The following IL18 variants were observed in gnomAD, a reference collection of about 807,000 sequenced individuals.
IL18 encodes interleukin 18, also known as interleukin-18.
In IL18, 8 loss-of-function variants were observed where a neutral mutation model predicts 14.2. That is an observed-to-expected ratio of 0.56 (90% CI 0.33 to 1.01). The LOEUF is 1.01. IL18 is among the 50% of genes least tolerant of loss of function. The pLI is 0.03. For missense variants in IL18, 166 were observed against 231.1 expected (o/e 0.72, Z 1.83); for synonymous variants, 67 against 71.0 (o/e 0.94, Z 0.28).
At chr11:112,148,506 A>T in intron 5 of IL18, 97 bp downstream of exon 5, 1 of 619,836 alleles carries the variant, frequency 1.6e-6, no homozygotes, top group Non-Finnish European at 2.4e-6. Flanking sequence ...TGAGTTTTCT[A>T]ATTACATTAC....
intron 3 of IL18, chr11:112,151,198 C>A (rs562402193): frequency 3.3e-5 from 5 of 152,178 alleles, no homozygotes; most frequent in African/African-American, 9.6e-5. Flanking sequence ...ATAAAAAGGG[C>A]AAAGATATGC....
intron 5 of IL18, among the ~76,000 whole-genome samples, chr11:112,147,222 G>A (rs374119997): frequency 2.0e-5 from 3 of 152,076 alleles, no homozygotes; most frequent in African/African-American, 4.8e-5. Flanking sequence ...GAGCCACCAC[G>A]CCCAGCCACA....
chr11:112,157,470 A>G (rs1435866041), intron 1 of IL18, among the ~76,000 whole-genome samples: 1 of 152,216 alleles, frequency 6.6e-6, no homozygotes, highest in Non-Finnish European at 1.5e-5. Flanking sequence ...TGACCAAACC[A>G]CACATGAATG....
At chr11:112,153,434 C>A in intron 3 of IL18, 158 bp downstream of exon 3, 1 of 453,498 alleles carries the variant, frequency 2.2e-6, no homozygotes, top group Non-Finnish European at 4.0e-6. Flanking sequence ...TTATGATCAT[C>A]TTCATTCCAA....
rs547545392 is a variant in IL18 at position 112,157,183 on chromosome 11, C to T, written c.-8-2122G>A. On this transcript the variant is annotated intron_variant, in intron 1 of 5. Coordinates refer to ENST00000280357, the MANE Select transcript of IL18 (RefSeq NM_001562.4). Reference sequence around the variant, plus strand: ...GGCAGACATTTGTTAACCTGAGAGGCACTCTATGTTTTGATTAGTTATCAG... The same window carrying T: ...GGCAGACATTTGTTAACCTGAGAGGTACTCTATGTTTTGATTAGTTATCAG... 2.0e-5 allele frequency among the ~76,000 whole-genome samples: 3 copies of T among 152,266 alleles called. No homozygotes were observed. The South Asian group carries it at 6.2e-4, about 32-fold the overall frequency.
chr11:112,157,268 CAT>C (rs1390381781), intron 1 of IL18, among the ~76,000 whole-genome samples: 1 of 152,128 alleles, frequency 6.6e-6, no homozygotes, highest in African/African-American at 2.4e-5. Flanking sequence ...GTAATACACA[CAT>C]ATTTATCAAA....
intron 4 of IL18, 27 bp from the exon 5 acceptor site, chr11:112,148,763 T>C: frequency 7.5e-7 from 1 of 1,331,802 alleles, no homozygotes; most frequent in South Asian, 1.8e-5. Flanking sequence ...AAATGAGAAC[T>C]CTAGTTAGAA....
chr11:112,149,147 C>T (rs879649429), intron 4 of IL18, among the ~76,000 whole-genome samples: 2 of 152,008 alleles, frequency 1.3e-5, no homozygotes, highest in East Asian at 1.9e-4. Flanking sequence ...AAAAATTAGC[C>T]GGGTGTAAGT....
chr11:112,162,960 T>A (rs1343991490), intron 1 of IL18, among the ~76,000 whole-genome samples: 1 of 152,128 alleles, frequency 6.6e-6, no homozygotes, highest in East Asian at 1.9e-4. Context: ...TTTTTATTTT[T>A]TTGTAGAGAC....
At position 112,146,794 on chromosome 11, in the gene IL18, G is replaced by A. The variant is rs143917761; in HGVS notation, c.360+1809C>T. ...TTGAGTTCCTTCCAGAAGCAGATTT[G>A]CTATGATGCTGATGAAGCTTAAATG... On this transcript the variant is annotated intron_variant, in intron 5 of 5. Coordinates refer to ENST00000280357, the MANE Select transcript of IL18 (RefSeq NM_001562.4). Among the ~76,000 whole-genome samples the A allele has an allele frequency of 9.4e-3, 1,422 of 150,974 alleles. 14 individuals are homozygous for A. The highest frequency in any genetic ancestry group is 0.012 in the Non-Finnish European group (811 of 67,862).
At chr11:112,146,479 C>A (rs1566736224) in intron 5 of IL18, among the ~76,000 whole-genome samples, 1 of 152,144 alleles carries the variant, frequency 6.6e-6, no homozygotes, top group Non-Finnish European at 1.5e-5. Flanking sequence ...TGCCACCATG[C>A]CTGGCTAATT....
At chr11:112,157,411 C>G (rs1200838695) in intron 1 of IL18, among the ~76,000 whole-genome samples, 1 of 152,140 alleles carries the variant, frequency 6.6e-6, no homozygotes, top group Non-Finnish European at 1.5e-5. Context: ...AGCTGATTCA[C>G]CAGTTAAGGT....
intron 1 of IL18, among the ~76,000 whole-genome samples, chr11:112,163,477 T>C (rs1022189693): frequency 6.6e-6 from 1 of 152,194 alleles, no homozygotes; most frequent in African/African-American, 2.4e-5. Context: ...GAGGCTACAT[T>C]CTGTGCAATA....
rs762921309 is a variant in IL18 at position 112,143,647 on chromosome 11, C to T, written c.531G>A (p.Glu177=). 4 of 1,612,978 alleles carry T rather than the reference C, an allele frequency of 2.5e-6. No individual in the cohort carries two copies. In the Admixed American group the frequency reaches 5.0e-5, roughly 20 times the overall value. Residue 177 remains glutamate, a synonymous_variant, in exon 6 of 6, where the codon GAG becomes GAA. Coordinates refer to ENST00000280357, the MANE Select transcript of IL18 (RefSeq NM_001562.4). ...TTATAGATCTATCCCCCAATTCATCCTCTTTTTTCAAAATGAGTTTAAAAA... is the reference window on the plus strand; with the variant it reads ...TTATAGATCTATCCCCCAATTCATCTTCTTTTTTCAAAATGAGTTTAAAAA... The part of the protein sequence containing the change: ...RDLFKLILKK[E]DELGDRSIMF...
At chr11:112,148,544 A>G in intron 5 of IL18, 59 bp downstream of exon 5, 2 of 898,630 alleles carry the variant, frequency 2.2e-6, no homozygotes, top group Non-Finnish European at 3.1e-6. Context: ...ATAATGTTAT[A>G]TTTCTAATTA....
chr11:112,146,927 CTT>C (rs36051933), intron 5 of IL18, among the ~76,000 whole-genome samples: 33,562 of 124,490 alleles, frequency 0.27, 3,315 homozygotes, highest in Admixed American at 0.31. Context: ...GGTAATTTTA[CTT>C]TTTTTTTTTT....
chr11:112,160,662 C>A (rs1343223949), intron 1 of IL18, among the ~76,000 whole-genome samples: 2 of 152,088 alleles, frequency 1.3e-5, no homozygotes, highest in Non-Finnish European at 1.5e-5. Flanking sequence ...GTTGCCATGA[C>A]AACAGCGTAG....
intron 3 of IL18, among the ~76,000 whole-genome samples, chr11:112,152,645 G>A (rs1393760880): frequency 6.6e-6 from 1 of 152,152 alleles, no homozygotes; most frequent in East Asian, 1.9e-4. Context: ...GAATGAGCCT[G>A]ACTTCTCTTG....
At position 112,143,527 on chromosome 11, in the gene IL18, C is replaced by T. The variant is rs1343103547; in HGVS notation, c.*69G>A. 2.5e-5 allele frequency: 25 copies of T among 1,001,630 alleles called. No homozygotes were observed. Among genetic ancestry groups the T allele is most frequent in the Non-Finnish European group, 3.5e-5 (23 of 663,302 alleles). 62.0% of individuals were successfully genotyped at this position (1,001,630 alleles called of 1,614,324 possible). A position where few individuals can be genotyped will look rare whatever the true frequency, so the allele number is the denominator to read the frequency against. On this transcript the variant is annotated 3_prime_UTR_variant, in exon 6 of 6. Coordinates refer to ENST00000280357, the MANE Select transcript of IL18 (RefSeq NM_001562.4). ...GAACACCTGACCTCTGGTGATCTGC[C>T]CGCCTCAGCCTCCCAAAGGGCTGGG...
Sources: gnomAD v4.1 joint callset for allele counts (sites outside exome capture counted in the v4.1 genomes callset) on GRCh38, gnomAD v4.1.1 for gene constraint, MANE v1.5 for transcripts, NCBI Gene and HGNC (gene_info 2026-07-23, HGNC 2026-07-21) for gene names.